The following USP37 variants were observed in gnomAD, a reference collection of about 807,000 sequenced individuals.
USP37 encodes the protein ubiquitin carboxyl-terminal hydrolase 37.
A neutral mutation model predicts 124.0 loss-of-function variants in USP37; 27 were observed. The ratio of observed to expected loss-of-function variants is 0.22; its 90% CI spans 0.16 to 0.30. The LOEUF is 0.30. Ranked by LOEUF, USP37 falls within the 10% of genes least tolerant of loss-of-function variation. The probability of loss-of-function intolerance (pLI) is 1.00; values close to 1 mark genes in which losing one functional copy is unlikely to be tolerated. For missense variants in USP37, 889 were observed against 1,140.4 expected, an observed-to-expected ratio of 0.78 and a Z score of 3.17; for synonymous variants, 365 against 388.0, an observed-to-expected ratio of 0.94 and a Z score of 0.70.
chr2:218,527,709 A>C (rs1289950674), intron 10 of USP37, among the ~76,000 whole-genome samples: 2 of 152,248 alleles, frequency 1.3e-5, no homozygotes, highest in Non-Finnish European at 2.9e-5. Flanking sequence ...CTTAGATTTA[A>C]GATTCTTCTA....
rs1396504569 is a variant in USP37, at chr2:218,544,428, TATAG to T, written c.680+1789_680+1792del. Among the ~76,000 whole-genome samples the T allele has an allele frequency of 3.4e-4, 17 of 50,062 alleles. No individual in the cohort carries two copies. The East Asian group carries it at 5.7e-3, about 17-fold the overall frequency. The allele number at this position is 50,062 out of a possible 152,430, so 32.8% of individuals were successfully genotyped here. On this transcript the variant is annotated intron_variant, in intron 8 of 25. Transcript: ENST00000258399. ...AAAAATATATATATATATATATATATATAGAGAGAGAGAGAGAGAGAGAGAGAGA... is the reference window on the plus strand; with the variant it reads ...AAAAATATATATATATATATATATATAGAGAGAGAGAGAGAGAGAGAGAGA...
intron 10 of USP37, among the ~76,000 whole-genome samples, chr2:218,522,840 G>T (rs565103155): frequency 1.6e-4 from 24 of 152,112 alleles, no homozygotes; most frequent in Middle Eastern, 6.8e-3. Context: ...GAAATGCTTG[G>T]AAAGAAGAGT....
chr2:218,506,286 CTTTTT>C (rs60620765), intron 11 of USP37, among the ~76,000 whole-genome samples: 13 of 72,620 alleles, frequency 1.8e-4, no homozygotes, highest in East Asian at 4.2e-4. Context: ...TTCTTTCTGG[CTTTTT>C]TTTTTTTTTT....
intron 10 of USP37, among the ~76,000 whole-genome samples, chr2:218,525,507 ATTCT>A (rs1229285039): frequency 6.6e-6 from 1 of 152,076 alleles, no homozygotes; most frequent in African/African-American, 2.4e-5. Context: ...TAAATATTGC[ATTCT>A]TTGTCTATAT....
At chr2:218,471,922 C>T (rs982968251) in intron 20 of USP37, among the ~76,000 whole-genome samples, 89 of 151,504 alleles carry the variant, frequency 5.9e-4, no homozygotes, top group African/African-American at 1.9e-3. Context: ...CCCAGCTACT[C>T]GGGAGGCTGA....
At chr2:218,465,783 T>C (rs143850996) in intron 21 of USP37, among the ~76,000 whole-genome samples, 3 of 152,248 alleles carry the variant, frequency 2.0e-5, no homozygotes, top group South Asian at 2.1e-4. Context: ...CTCAAACTCC[T>C]GGCCTCAAGT....
chr2:218,520,153 G>C (rs988319899), intron 10 of USP37, among the ~76,000 whole-genome samples: 16 of 151,810 alleles, frequency 1.1e-4, no homozygotes, highest in Non-Finnish European at 2.2e-4. Context: ...GTCCAGGCTG[G>C]TCTCGAACTC....
At chr2:218,517,072 G>A (rs552257286) in intron 10 of USP37, among the ~76,000 whole-genome samples, 1 of 152,266 alleles carries the variant, frequency 6.6e-6, no homozygotes, top group South Asian at 2.1e-4. Flanking sequence ...ACACCCCTGT[G>A]AGAAACAAAT....
intron 14 of USP37, among the ~76,000 whole-genome samples, chr2:218,491,047 A>G (rs1009096759): frequency 2.0e-5 from 3 of 152,058 alleles, no homozygotes; most frequent in African/African-American, 7.2e-5. Flanking sequence ...CTATTTTTAA[A>G]CTTTTTGTAG....
intron 4 of USP37, among the ~76,000 whole-genome samples, chr2:218,557,949 A>AAAAAAAAAAAAAAAAAAAAAAAAAAAC (rs1693113480): frequency 6.7e-6 from 1 of 148,884 alleles, no homozygotes; most frequent in Admixed American, 6.7e-5. Flanking sequence ...AAAAAAAAAA[A>AAAAAAAAAAAAAAAAAAAAAAAAAAAC]AGGTGAAAAG....
At chr2:218,516,562 G>T (rs1690295469) in intron 10 of USP37, among the ~76,000 whole-genome samples, 2 of 152,190 alleles carry the variant, frequency 1.3e-5, no homozygotes, top group East Asian at 3.9e-4. Flanking sequence ...CAAGGGGAGG[G>T]AGAGCATTAG....
At position 218,456,152 on chromosome 2, in the gene USP37, T is replaced by C. The variant is rs143649533; in HGVS notation, c.2714-434A>G. Among the ~76,000 whole-genome samples the C allele has an allele frequency of 2.6e-3, 399 of 152,072 alleles. 4 individuals are homozygous for C. The highest frequency in any genetic ancestry group is 9.1e-3 in the African/African-American group (377 of 41,488). On this transcript the variant is annotated intron_variant, in intron 24 of 25. Coordinates refer to ENST00000258399, the MANE Select transcript of USP37 (RefSeq NM_020935.3). ...TCCTCAACACTGTGTCTAAAACCCATTGAAGAAACATACAGGCCAGGCACA... is the reference window on the plus strand; with the variant it reads ...TCCTCAACACTGTGTCTAAAACCCACTGAAGAAACATACAGGCCAGGCACA...
At chr2:218,480,930 T>C (rs1212417445) in intron 17 of USP37, among the ~76,000 whole-genome samples, 1 of 152,224 alleles carries the variant, frequency 6.6e-6, no homozygotes, top group Non-Finnish European at 1.5e-5. Flanking sequence ...CTTGAGACAC[T>C]AGTGTAAACT....
rs201957039 is a variant in USP37 at position 218,518,814 on chromosome 2, CT to C, written c.864-8675del. Reference sequence around the variant, plus strand: ...GTGATGTTGTATTTCTTCTTTCTTTCTTTTCTTTTTTCTCCAATTAAGCCCA... The same window carrying C: ...GTGATGTTGTATTTCTTCTTTCTTTCTTTCTTTTTTCTCCAATTAAGCCCA... On this transcript the variant is annotated intron_variant, in intron 10 of 25. Coordinates refer to ENST00000258399, the MANE Select transcript of USP37 (RefSeq NM_020935.3). Among the ~76,000 whole-genome samples the C allele has an allele frequency of 3.2e-3, 489 of 151,562 alleles. 1 individual carries two copies. The highest frequency in any genetic ancestry group is 0.011 in the African/African-American group (470 of 41,096).
intron 4 of USP37, among the ~76,000 whole-genome samples, chr2:218,554,217 T>C (rs567478923): frequency 1.5e-4 from 23 of 152,280 alleles, no homozygotes; most frequent in African/African-American, 5.5e-4. Flanking sequence ...CATTATAATG[T>C]TGATGAGGAA....
chr2:218,485,237 CCT>C lies in USP37; in HGVS notation c.1670+425_1670+426del, dbSNP rs551438640. ...TATTCCAAAGTCTCAGCAGCTGTAT[CCT>C]CTGTTGCCATTTTCTTGGAACTCTC... On this transcript the variant is annotated intron_variant, in intron 16 of 25. Transcript: ENST00000258399. Among the ~76,000 whole-genome samples, 660 of 152,118 alleles carry C rather than the reference CCT, an allele frequency of 4.3e-3. 2 individuals are homozygous for C. Among genetic ancestry groups the C allele is most frequent in the African/African-American group, 0.016 (643 of 41,404 alleles).
chr2:218,479,719 T>C lies in USP37; in HGVS notation c.1836-4A>G, dbSNP rs1559173245. On this transcript the variant is annotated splice_polypyrimidine_tract_variant and splice_region_variant and intron_variant, in intron 17 of 25. Coordinates refer to ENST00000258399, the MANE Select transcript of USP37 (RefSeq NM_020935.3). The stretch of plus-strand genomic sequence containing the variant: ...AGAGGCTTTCAATGGTCTAGAACTA[T>C]CAGAAAATTAGAAAATATATAATGT... 1 of 1,575,754 alleles carries C rather than the reference T, an allele frequency of 6.3e-7. No individual in the cohort carries two copies. Among genetic ancestry groups the C allele is most frequent in the Non-Finnish European group, 8.6e-7 (1 of 1,161,980 alleles).
At chr2:218,559,802 A>G (rs1174371376) in intron 3 of USP37, among the ~76,000 whole-genome samples, 1 of 151,958 alleles carries the variant, frequency 6.6e-6, no homozygotes, top group African/African-American at 2.4e-5. Context: ...CACGGCAAAA[A>G]CCTCATCTCT....
intron 1 of USP37, among the ~76,000 whole-genome samples, chr2:218,566,550 T>C (rs894879550): frequency 6.6e-6 from 1 of 152,136 alleles, no homozygotes; most frequent in Non-Finnish European, 1.5e-5. Flanking sequence ...CAGAAGAAAA[T>C]AATGTAACCA....
Sources: allele counts gnomAD v4.1 joint callset (sites outside exome capture counted in the v4.1 genomes callset), GRCh38; gene constraint gnomAD v4.1.1; transcripts MANE v1.5; gene names NCBI Gene and HGNC (gene_info 2026-07-23, HGNC 2026-07-21).